The following THSD1 variants were observed in gnomAD, a reference collection of about 807,000 sequenced individuals.
THSD1 encodes thrombospondin type-1 domain-containing protein 1.
Under a neutral mutation model 46.3 loss-of-function variants are expected in THSD1, and 34 were observed. That is an observed-to-expected ratio of 0.74 (90% CI 0.56 to 0.98). The LOEUF is 0.98. Among genes scored for constraint, THSD1 ranks in the 50% least tolerant of loss-of-function variants. The pLI, the probability that THSD1 is intolerant of heterozygous loss-of-function variation, is 0.00. For synonymous variants in THSD1, 407 were observed against 416.5 expected, an observed-to-expected ratio of 0.98 and a Z score of 0.28; for missense variants, 1,023 against 1,058.3, an observed-to-expected ratio of 0.97 and a Z score of 0.46.
chr13:52,378,824 A>G (rs1286812227), intron 4 of THSD1, 35 bp from the exon 5 acceptor site: 1 of 1,528,942 alleles, frequency 6.5e-7, no homozygotes, highest in South Asian at 1.3e-5. Context: ...AAACAAACAA[A>G]AAACACAGAG....
At chr13:52,394,026 T>C (rs967291211) in intron 3 of THSD1, among the ~76,000 whole-genome samples, 1 of 152,152 alleles carries the variant, frequency 6.6e-6, no homozygotes, top group Non-Finnish European at 1.5e-5. Flanking sequence ...GTTGGCTGCA[T>C]GGGGCAGCCC....
intron 2 of THSD1, among the ~76,000 whole-genome samples, chr13:52,401,788 G>A (rs918329955): frequency 1.3e-5 from 2 of 152,104 alleles, no homozygotes; most frequent in African/African-American, 4.8e-5. Flanking sequence ...TCTATATCTT[G>A]GATCACAATT....
chr13:52,384,764 G>A (rs1215401199), intron 4 of THSD1, among the ~76,000 whole-genome samples: 1 of 152,070 alleles, frequency 6.6e-6, no homozygotes, highest in African/African-American at 2.4e-5. Context: ...TGTATTTGAG[G>A]GAAGTTATAC....
intron 3 of THSD1, among the ~76,000 whole-genome samples, chr13:52,390,217 C>T (rs1957763488): frequency 6.6e-6 from 1 of 152,038 alleles, no homozygotes; most frequent in African/African-American, 2.4e-5. Flanking sequence ...CAGATCTTGC[C>T]AACACTGGCC....
chr13:52,393,217 A>T (rs985639151), intron 3 of THSD1, among the ~76,000 whole-genome samples: 1 of 152,234 alleles, frequency 6.6e-6, no homozygotes, highest in African/African-American at 2.4e-5. Context: ...TAATGAAATG[A>T]GTTGAACTCA....
chr13:52,380,720 T>C (rs1184645879), intron 4 of THSD1, among the ~76,000 whole-genome samples: 2 of 152,066 alleles, frequency 1.3e-5, no homozygotes, highest in Non-Finnish European at 2.9e-5. Context: ...AGTGCTGGGA[T>C]TACACATACT....
intron 4 of THSD1, among the ~76,000 whole-genome samples, chr13:52,381,193 A>T (rs1957689438): frequency 1.3e-5 from 2 of 152,120 alleles, no homozygotes; most frequent in African/African-American, 4.8e-5. Flanking sequence ...ACCATGATCC[A>T]TTACTGAAAC....
chr13:52,377,227 C>T lies in THSD1; in HGVS notation c.*184G>A. 7.6e-7 allele frequency: 1 copy of T among 1,319,292 alleles called. No individual in the cohort carries two copies. Among genetic ancestry groups the T allele is most frequent in the Non-Finnish European group, 9.7e-7 (1 of 1,031,188 alleles). 81.7% of individuals were successfully genotyped at this position (1,319,292 alleles called of 1,614,324 possible). Reference sequence around the variant, plus strand: ...TAATAAATCAATAGAAATTGAATAACAAAGGAAAAAGCTCAAGATAAATAA... The same window carrying T: ...TAATAAATCAATAGAAATTGAATAATAAAGGAAAAAGCTCAAGATAAATAA... On this transcript the variant is annotated 3_prime_UTR_variant, in exon 5 of 5. Transcript: ENST00000258613.
At chr13:52,378,874 T>G in intron 4 of THSD1, 85 bp from the exon 5 acceptor site, 39 of 1,405,842 alleles carry the variant, frequency 2.8e-5, no homozygotes, top group Non-Finnish European at 3.5e-5. Flanking sequence ...TTTTTTTTTT[T>G]TTTTTTGAGA....
chr13:52,390,071 G>T (rs1449463164), intron 3 of THSD1, among the ~76,000 whole-genome samples: 1 of 151,360 alleles, frequency 6.6e-6, no homozygotes. Context: ...GCCAGGGGAA[G>T]TCGAGGCTTC....
rs1957640026 is a variant in THSD1, at chr13:52,377,287, A to G, written c.*124T>C. The G allele has an allele frequency of 5.8e-6, 8 of 1,381,882 alleles. No homozygotes were observed. The highest frequency in any genetic ancestry group is 1.4e-5 in the African/African-American group (1 of 69,118). 85.6% of individuals were successfully genotyped at this position (1,381,882 alleles called of 1,614,324 possible). A position where few individuals can be genotyped will look rare whatever the true frequency, so the allele number is the denominator to read the frequency against. On this transcript the variant is annotated 3_prime_UTR_variant, in exon 5 of 5. Transcript: ENST00000258613. ...TGTGAATTCAAACACATGCATACAC[A>G]CACATCCTCCTCTGTGTGTTACTTC...
Position 52,386,780 on chromosome 13 carries a change from T to C in THSD1, c.1022-594A>G, listed in dbSNP as rs568634957. Among the ~76,000 whole-genome samples, 6 of 152,304 alleles carry C rather than the reference T, an allele frequency of 3.9e-5. No individual in the cohort carries two copies. The South Asian group carries it at 6.2e-4, about 16-fold the overall frequency. ...CAGAACCTCACCTGTCCTCTCTCCA[T>C]TTCCTCTACTGAATAAAAGCTTCAA... On this transcript the variant is annotated intron_variant, in intron 3 of 4. Coordinates refer to ENST00000258613, the MANE Select transcript of THSD1 (RefSeq NM_018676.4).
intron 3 of THSD1, among the ~76,000 whole-genome samples, chr13:52,391,741 A>G (rs1250406968): frequency 6.6e-6 from 1 of 151,668 alleles, no homozygotes; most frequent in Non-Finnish European, 1.5e-5. Flanking sequence ...ATGAGGTTTC[A>G]CTATGTTGGC....
rs1566957542 is a variant in THSD1 at position 52,377,612 on chromosome 13, C to T, written c.2358G>A (p.Arg786=). Residue 786 remains arginine, a synonymous_variant, in exon 5 of 5, where the codon AGG becomes AGA. Coordinates refer to ENST00000258613, the MANE Select transcript of THSD1 (RefSeq NM_018676.4). Reference sequence around the variant, plus strand: ...ACTGAGAAGGGCTCAGAGAACTGACCCTCTGGTAGTTATCTTTGGGGGATA... The same window carrying T: ...ACTGAGAAGGGCTCAGAGAACTGACTCTCTGGTAGTTATCTTTGGGGGATA... ...SPISPKDNYQ[R]VSSLSPSQCR... The T allele has an allele frequency of 3.1e-6, 5 of 1,606,778 alleles. No individual in the cohort carries two copies. The highest frequency in any genetic ancestry group is 4.3e-6 in the Non-Finnish European group (5 of 1,174,846).
Position 52,378,585 on chromosome 13 carries a change from T to G in THSD1, c.1385A>C (p.Asn462Thr), listed in dbSNP as rs760530125. 4.3e-6 allele frequency: 7 copies of G among 1,613,940 alleles called. No homozygotes were observed. The highest frequency in any genetic ancestry group is 5.9e-6 in the Non-Finnish European group (7 of 1,179,986). ...NSIHSPSFRK[N>T]SDEENICELS... ...CTCGCAGATATTCTCCTCGTCCGAG[T>G]TCTTCCGGAAGCTGGGGGAGTGGAT... Residue 462 changes from asparagine (N) to threonine (T), a missense_variant, in exon 5 of 5, where the codon AAC (asparagine) becomes ACC (threonine). By Grantham distance (65) the Asn-to-Thr change is moderately conservative. Transcript: ENST00000258613.
intron 2 of THSD1, 100 bp downstream of exon 2, chr13:52,402,443 C>A: frequency 8.4e-7 from 1 of 1,191,518 alleles, no homozygotes; most frequent in South Asian, 1.3e-5. Context: ...TATACCCTAC[C>A]CTGCCTCCTT....
intron 4 of THSD1, among the ~76,000 whole-genome samples, chr13:52,385,328 A>AGT (rs1443516806): frequency 6.6e-6 from 1 of 152,214 alleles, no homozygotes; most frequent in Non-Finnish European, 1.5e-5. Flanking sequence ...AGGACTATTC[A>AGT]GTGTGTAACT....
intron 1 of THSD1, among the ~76,000 whole-genome samples, chr13:52,403,559 G>A (rs1438300183): frequency 6.6e-6 from 1 of 152,208 alleles, no homozygotes; most frequent in East Asian, 1.9e-4. Flanking sequence ...TCGGCTCACT[G>A]CAAGCTCCGC....
chr13:52,397,194 GATTT>G, intron 3 of THSD1, 34 bp downstream of exon 3: 1 of 1,476,962 alleles, frequency 6.8e-7, no homozygotes, highest in Non-Finnish European at 9.1e-7. Flanking sequence ...TTACATGAAG[GATTT>G]GATTTAAAAT....
Sources: allele counts gnomAD v4.1 joint callset (sites outside exome capture counted in the v4.1 genomes callset), GRCh38; gene constraint gnomAD v4.1.1; transcripts MANE v1.5; gene names NCBI Gene and HGNC (gene_info 2026-07-23, HGNC 2026-07-21).